EPHB1: variants seen among roughly 807,000 people sequenced by gnomAD.
EPHB1 encodes the protein ephrin type-B receptor 1.
A neutral mutation model predicts 94.4 loss-of-function variants in EPHB1; 30 were observed. That is an observed-to-expected ratio of 0.32 (90% confidence interval 0.24 to 0.43). The LOEUF is 0.43. EPHB1 is among the 20% of genes least tolerant of loss of function. The pLI is 1.00. For missense variants in EPHB1, 1,055 were observed against 1,308.3 expected (o/e 0.81, Z 2.99); for synonymous variants, 522 against 489.1 (o/e 1.07, Z -0.89).
intron 5 of EPHB1, among the ~76,000 whole-genome samples, chr3:135,151,117 C>T (rs1214741675): frequency 6.6e-6 from 1 of 152,212 alleles, no homozygotes; most frequent in Admixed American, 6.5e-5. Flanking sequence ...ATTACTACAG[C>T]AGTGCTGTGA....
rs539060473 is a variant in EPHB1 at position 135,104,997 on chromosome 3, G to A, written c.806-1451G>A. Among the ~76,000 whole-genome samples the A allele has an allele frequency of 1.7e-4, 26 of 152,254 alleles. No homozygotes were observed. In the South Asian group the frequency reaches 5.2e-3, roughly 30 times the overall value. On this transcript the variant is annotated intron_variant, in intron 3 of 15. Transcript: ENST00000398015. Reference sequence around the variant, plus strand: ...CATTTCTCCCACTGTGTGATCCTTGGTAACTTTTGTAACCTCTCCGTGTCC... The same window carrying A: ...CATTTCTCCCACTGTGTGATCCTTGATAACTTTTGTAACCTCTCCGTGTCC...
At chr3:135,178,686 GA>G (rs903349590) in intron 9 of EPHB1, among the ~76,000 whole-genome samples, 3 of 152,086 alleles carry the variant, frequency 2.0e-5, no homozygotes, top group African/African-American at 7.2e-5. Flanking sequence ...GGAACATGAA[GA>G]GGGGGGAGGT....
chr3:135,145,647 G>A (rs758335852), intron 5 of EPHB1, among the ~76,000 whole-genome samples: 7 of 152,266 alleles, frequency 4.6e-5, no homozygotes, highest in East Asian at 1.9e-4. Flanking sequence ...TTAGGGTAAC[G>A]TTACAGCTGA....
intron 12 of EPHB1, among the ~76,000 whole-genome samples, chr3:135,231,033 G>A (rs1943519987): frequency 6.6e-6 from 1 of 152,154 alleles, no homozygotes; most frequent in Non-Finnish European, 1.5e-5. Context: ...ATGAACATAG[G>A]ATCTGCACCA....
At chr3:134,931,877 T>C (rs1470901161) in intron 2 of EPHB1, among the ~76,000 whole-genome samples, 1 of 152,220 alleles carries the variant, frequency 6.6e-6, no homozygotes, top group African/African-American at 2.4e-5. Context: ...TGTGTCTGTA[T>C]ATATGCATAC....
At chr3:135,115,151 T>C (rs933610573) in intron 4 of EPHB1, among the ~76,000 whole-genome samples, 2 of 152,168 alleles carry the variant, frequency 1.3e-5, no homozygotes, top group African/African-American at 2.4e-5. Context: ...TAACGTGAAG[T>C]GCATCCATGT....
At chr3:134,828,455 A>G (rs1407147526) in intron 1 of EPHB1, among the ~76,000 whole-genome samples, 3 of 152,178 alleles carry the variant, frequency 2.0e-5, no homozygotes, top group African/African-American at 7.2e-5. Flanking sequence ...CCTAGTCCCT[A>G]GTTGAGCCAC....
intron 10 of EPHB1, among the ~76,000 whole-genome samples, chr3:135,186,547 C>CT (rs1051594125): frequency 6.6e-6 from 1 of 152,054 alleles, no homozygotes; most frequent in Admixed American, 6.5e-5. Context: ...CTCTGCTTTC[C>CT]TTTTTTTCCC....
intron 5 of EPHB1, among the ~76,000 whole-genome samples, chr3:135,141,156 T>C (rs1012040418): frequency 5.3e-5 from 8 of 151,418 alleles, no homozygotes; most frequent in African/African-American, 1.9e-4. Context: ...TTTTTTTTTT[T>C]TTTTTTTTCT....
At chr3:134,909,115 C>CGGGGGG (rs1250648426) in intron 1 of EPHB1, among the ~76,000 whole-genome samples, 27 of 92,808 alleles carry the variant, frequency 2.9e-4, no homozygotes, top group African/African-American at 1.2e-3. Flanking sequence ...AAGGTGGGGG[C>CGGGGGG]GGGGGGCGGG....
chr3:134,957,862 GA>G (rs1196463634), intron 3 of EPHB1, among the ~76,000 whole-genome samples: 4 of 152,220 alleles, frequency 2.6e-5, no homozygotes, highest in Admixed American at 1.3e-4. Context: ...AGGTTTTCCA[GA>G]AGGCTCTCAG....
chr3:134,889,854 A>G (rs2037939811), intron 1 of EPHB1, among the ~76,000 whole-genome samples: 1 of 150,374 alleles, frequency 6.7e-6, no homozygotes, highest in Non-Finnish European at 1.5e-5. Context: ...ATTTTTTTGT[A>G]TTTTTAGTAG....
chr3:134,862,805 C>A (rs1046994154), intron 1 of EPHB1, among the ~76,000 whole-genome samples: 2 of 152,204 alleles, frequency 1.3e-5, no homozygotes, highest in Non-Finnish European at 2.9e-5. Flanking sequence ...CAGTTGATGA[C>A]CCTCCTGTTC....
chr3:135,194,747 G>A (rs1433546908), intron 11 of EPHB1, among the ~76,000 whole-genome samples: 1 of 152,176 alleles, frequency 6.6e-6, no homozygotes, highest in Non-Finnish European at 1.5e-5. Context: ...AACAACTGAT[G>A]TAGATTACTG....
rs1217641446 is a variant in EPHB1, at chr3:135,203,375, G to T, written c.2346+1686G>T. ...ACATGTATACCTATGAAACAAACCT[G>T]CATATTCTGTGTGTGTATCCCAGAA... On this transcript the variant is annotated intron_variant, in intron 12 of 15. Coordinates refer to ENST00000398015, the MANE Select transcript of EPHB1 (RefSeq NM_004441.5). 2.6e-5 allele frequency among the ~76,000 whole-genome samples: 4 copies of T among 152,046 alleles called. No homozygotes were observed. In the East Asian group the frequency reaches 7.7e-4, roughly 29 times the overall value.
At chr3:135,042,759 C>T (rs1170091091) in intron 3 of EPHB1, among the ~76,000 whole-genome samples, 4 of 152,226 alleles carry the variant, frequency 2.6e-5, no homozygotes, top group Non-Finnish European at 5.9e-5. Flanking sequence ...ACAGCAAGCT[C>T]ATTATCCAAC....
rs146925662 is a variant in EPHB1, at chr3:134,909,313, G to A, written c.59-16503G>A. Among the ~76,000 whole-genome samples, 211 of 152,260 alleles carry A rather than the reference G, an allele frequency of 1.4e-3. 1 individual carries two copies. Among genetic ancestry groups the A allele is most frequent in the African/African-American group, 4.5e-3 (188 of 41,544 alleles). On this transcript the variant is annotated intron_variant, in intron 1 of 15. Transcript: ENST00000398015. ...CCAAGGAGCCAGCCTTCTGAAAGTT[G>A]GAACCAGCTAACAAGAAAATGTCTC...
At chr3:135,083,629 T>G (rs747391491) in intron 3 of EPHB1, among the ~76,000 whole-genome samples, 14 of 151,996 alleles carry the variant, frequency 9.2e-5, no homozygotes, top group Non-Finnish European at 1.6e-4. Flanking sequence ...GATTAATTTC[T>G]GTCACCAGGA....
chr3:134,868,079 G>A (rs563675845), intron 1 of EPHB1, among the ~76,000 whole-genome samples: 1 of 152,182 alleles, frequency 6.6e-6, no homozygotes, highest in South Asian at 2.1e-4. Flanking sequence ...ATGAGTTAAG[G>A]TTTAATGAAA....
Sources: gnomAD v4.1 joint callset for allele counts (sites outside exome capture counted in the v4.1 genomes callset) on GRCh38, gnomAD v4.1.1 for gene constraint, MANE v1.5 for transcripts, NCBI Gene and HGNC (gene_info 2026-07-23, HGNC 2026-07-21) for gene names.